Variants in TTPA observed in about 807,000 individuals in gnomAD.
TTPA encodes the protein alpha tocopherol transfer protein.
A neutral mutation model predicts 25.9 loss-of-function variants in TTPA; 23 were observed. The ratio of observed to expected loss-of-function variants is 0.89; its 90% CI spans 0.64 to 1.26. The LOEUF is 1.26. Ranked by LOEUF, TTPA falls within the 50% of genes most tolerant of loss-of-function variation. The pLI is 0.00. For synonymous variants in TTPA, 148 were observed against 137.3 expected (o/e 1.08, Z -0.54); for missense variants, 337 against 353.1 (o/e 0.95, Z 0.37).
chr8:63,078,946 G>A (rs1326111278), intron 1 of TTPA, among the ~76,000 whole-genome samples: 1 of 152,134 alleles, frequency 6.6e-6, no homozygotes, highest in African/African-American at 2.4e-5. Flanking sequence ...AGAAAAGTCG[G>A]GTTACCCACA....
chr8:63,058,728 A>G (rs1805242693), downstream of TTPA, among the ~76,000 whole-genome samples: 1 of 43,896 alleles, frequency 2.3e-5, no homozygotes, highest in Admixed American at 2.1e-4. Flanking sequence ...AAAAAATCTA[A>G]TTTAAAGGAC....
chr8:63,069,394 A>T (rs965942089), intron 2 of TTPA, among the ~76,000 whole-genome samples: 12 of 152,076 alleles, frequency 7.9e-5, no homozygotes, highest in Non-Finnish European at 1.5e-4. Flanking sequence ...ACTGGCTAAT[A>T]TGGTAGCCAT....
intron 2 of TTPA, among the ~76,000 whole-genome samples, chr8:63,069,736 G>GAAA (rs34342892): frequency 5.3e-5 from 7 of 131,780 alleles, no homozygotes; most frequent in Non-Finnish European, 4.9e-5. Context: ...CCCTAGCTTA[G>GAAA]AAAAAAAAAA....
intron 1 of TTPA, among the ~76,000 whole-genome samples, chr8:63,079,377 T>C (rs1237116864): frequency 6.6e-6 from 1 of 152,092 alleles, no homozygotes; most frequent in Non-Finnish European, 1.5e-5. Flanking sequence ...AATTAAAAGA[T>C]ACAGAGTGGC....
At chr8:63,062,375 T>C (rs1284233759) in intron 4 of TTPA, among the ~76,000 whole-genome samples, 1 of 152,200 alleles carries the variant, frequency 6.6e-6, no homozygotes, top group Non-Finnish European at 1.5e-5. Context: ...ATAACCTTTT[T>C]TCACTTTCTA....
intron 1 of TTPA, among the ~76,000 whole-genome samples, chr8:63,078,629 G>A (rs897938357): frequency 5.9e-5 from 9 of 152,028 alleles, no homozygotes; most frequent in Admixed American, 4.6e-4. Flanking sequence ...GAGAAGACAA[G>A]GTTAGAGAAA....
intron 1 of TTPA, among the ~76,000 whole-genome samples, chr8:63,080,479 T>C (rs1292951174): frequency 6.6e-6 from 1 of 152,196 alleles, no homozygotes; most frequent in South Asian, 2.1e-4. Context: ...CCCAGCACTT[T>C]GGGAGGCCAA....
intron 1 of TTPA, among the ~76,000 whole-genome samples, chr8:63,081,468 A>C (rs1184936869): frequency 6.6e-6 from 1 of 152,216 alleles, no homozygotes; most frequent in Admixed American, 6.5e-5. Flanking sequence ...CTGTCAAAAA[A>C]CTAGATATTT....
Position 63,065,961 on chromosome 8 carries a change from A to G in TTPA, c.495T>C (p.Phe165=). Residue 165 remains phenylalanine (F), a synonymous_variant, in exon 3 of 5, where the codon TTT becomes TTC. Transcript: ENST00000260116. ...KAIFDLEGWQ[F]SHAFQITPSV... is the part of the protein sequence containing the mutation. ...ATGGAGTGATTTGAAAAGCATGAGAAAACTGCCAACCTTCCAGATCAAAGA... is the reference window on the plus strand; with the variant it reads ...ATGGAGTGATTTGAAAAGCATGAGAGAACTGCCAACCTTCCAGATCAAAGA... The G allele has an allele frequency of 1.2e-6, 2 of 1,614,098 alleles. No individual in the cohort carries two copies. Among genetic ancestry groups the G allele is most frequent in the Non-Finnish European group, 1.7e-6 (2 of 1,180,002 alleles).
At chr8:63,069,990 TAGAC>T (rs1805458910) in intron 2 of TTPA, among the ~76,000 whole-genome samples, 1 of 152,216 alleles carries the variant, frequency 6.6e-6, no homozygotes, top group Non-Finnish European at 1.5e-5. Flanking sequence ...ATATTTTAGA[TAGAC>T]AGACTGATAG....
At chr8:63,080,716 T>C (rs1368195248) in intron 1 of TTPA, among the ~76,000 whole-genome samples, 1 of 120,388 alleles carries the variant, frequency 8.3e-6, no homozygotes, top group Non-Finnish European at 1.7e-5. Context: ...CGAGACTCCG[T>C]ATCAAAAAAA....
intron 1 of TTPA, among the ~76,000 whole-genome samples, chr8:63,075,044 C>T (rs1251105563): frequency 6.6e-6 from 1 of 152,218 alleles, no homozygotes; most frequent in African/African-American, 2.4e-5. Context: ...AAACCTGGAA[C>T]TTTGGTCTTT....
intron 2 of TTPA, among the ~76,000 whole-genome samples, chr8:63,068,759 A>C (rs1039887122): frequency 6.6e-6 from 1 of 152,200 alleles, no homozygotes; most frequent in Admixed American, 6.5e-5. Flanking sequence ...AATAAACAGA[A>C]ATATTCCTAA....
chr8:63,085,174 C>T (rs1348051078), intron 1 of TTPA, among the ~76,000 whole-genome samples: 1 of 152,186 alleles, frequency 6.6e-6, no homozygotes, highest in African/African-American at 2.4e-5. Context: ...AGTGACAGAA[C>T]TCAAGGTCGC....
In TTPA at chr8:63,059,630, A is replaced by C. The variant is rs1234601594; in HGVS notation, c.*1622T>G. Among the ~76,000 whole-genome samples the C allele has an allele frequency of 6.6e-6, 1 of 152,156 alleles. No homozygotes were observed. Among genetic ancestry groups the C allele is most frequent in the East Asian group, 1.9e-4 (1 of 5,196 alleles). Reference sequence around the variant, plus strand: ...TTCTACATTTTCAAGTTTATAACAAAATTAAGAAATTATAAAATACTAAGT... The same window carrying C: ...TTCTACATTTTCAAGTTTATAACAACATTAAGAAATTATAAAATACTAAGT... On this transcript the variant is annotated 3_prime_UTR_variant, in exon 5 of 5. Coordinates refer to ENST00000260116, the MANE Select transcript of TTPA (RefSeq NM_000370.3).
chr8:63,085,419 G>C (rs1179635021), intron 1 of TTPA, among the ~76,000 whole-genome samples: 1 of 152,206 alleles, frequency 6.6e-6, no homozygotes, highest in Non-Finnish European at 1.5e-5. Context: ...ATCTGGTCAC[G>C]TGTGATAAGT....
intron 3 of TTPA, 47 bp downstream of exon 3, chr8:63,065,857 A>C: frequency 6.3e-7 from 1 of 1,585,394 alleles, no homozygotes; most frequent in Non-Finnish European, 8.6e-7. Context: ...AAAATTTAAA[A>C]CTATAATTTG....
chr8:63,071,127 C>T (rs1182680775), intron 2 of TTPA, among the ~76,000 whole-genome samples: 2 of 152,150 alleles, frequency 1.3e-5, no homozygotes, highest in African/African-American at 2.4e-5. Context: ...ATTCAATTTC[C>T]TCTGACACTG....
intron 2 of TTPA, among the ~76,000 whole-genome samples, chr8:63,068,601 G>A (rs1805434663): frequency 6.6e-6 from 1 of 152,118 alleles, no homozygotes; most frequent in African/African-American, 2.4e-5. Context: ...ACAAAGAGAG[G>A]GGAGATAGAT....
Sources: allele counts gnomAD v4.1 joint callset (sites outside exome capture counted in the v4.1 genomes callset), GRCh38; gene constraint gnomAD v4.1.1; transcripts MANE v1.5; gene names NCBI Gene and HGNC (gene_info 2026-07-23, HGNC 2026-07-21).